ACTR3C: variants seen among roughly 807,000 people sequenced by gnomAD.
ACTR3C encodes the protein actin-related protein 3C.
Under a neutral mutation model 26.3 loss-of-function variants are expected in ACTR3C, and 18 were observed. The observed-to-expected ratio is 0.68, with a 90% CI of 0.47 to 1.01. The LOEUF is 1.01. Among genes scored for constraint, ACTR3C ranks in the 50% least tolerant of loss-of-function variants. The pLI is 0.00. For missense variants in ACTR3C, 184 were observed against 250.7 expected, an observed-to-expected ratio of 0.73 and a Z score of 1.80; for synonymous variants, 55 against 94.5, an observed-to-expected ratio of 0.58 and a Z score of 2.42.
At chr7:150,037,094 G>T in the ACTR3C span, among the ~76,000 whole-genome samples, 4 of 109,094 alleles carry the variant, frequency 3.7e-5, 1 homozygote, top group Non-Finnish European at 6.4e-5. Flanking sequence ...TGCGATGGGG[G>T]TCCTAAGAGC....
At chr7:150,082,216 A>G in the ACTR3C span, among the ~76,000 whole-genome samples, 8 of 152,318 alleles carry the variant, frequency 5.3e-5, no homozygotes, top group Middle Eastern at 6.8e-3. Flanking sequence ...CATACAGGGG[A>G]AAAATAAAGG....
chr7:150,276,854 T>A (rs1351541378), intron 6 of ACTR3C, among the ~76,000 whole-genome samples: 2 of 152,192 alleles, frequency 1.3e-5, no homozygotes, highest in Non-Finnish European at 2.9e-5. Flanking sequence ...TTTCTTTCTC[T>A]TCTCAGGCGA....
At chr7:149,972,020 G>A in the ACTR3C span, among the ~76,000 whole-genome samples, 8 of 152,210 alleles carry the variant, frequency 5.3e-5, no homozygotes, top group South Asian at 1.0e-3. Context: ...TTCCAGGTTC[G>A]GAACACAATC....
At chr7:150,035,214 CCA>C in the ACTR3C span, among the ~76,000 whole-genome samples, 5 of 122,868 alleles carry the variant, frequency 4.1e-5, no homozygotes, top group Non-Finnish European at 7.0e-5. Flanking sequence ...GGGGTGCCTC[CCA>C]CCTCTGCCAT....
chr7:149,936,980 A>T, the ACTR3C span, among the ~76,000 whole-genome samples: 1 of 151,798 alleles, frequency 6.6e-6, no homozygotes, highest in Non-Finnish European at 1.5e-5. Flanking sequence ...GGTAGAGACG[A>T]GATCTCCCTA....
chr7:150,037,931 C>A, the ACTR3C span, among the ~76,000 whole-genome samples: 1 of 137,974 alleles, frequency 7.2e-6, no homozygotes, highest in Admixed American at 7.0e-5. Context: ...AGGGGTGCCT[C>A]CCCCCCTGCG....
At chr7:150,120,576 A>G in the ACTR3C span, among the ~76,000 whole-genome samples, 2 of 152,166 alleles carry the variant, frequency 1.3e-5, no homozygotes, top group Admixed American at 1.3e-4. Context: ...CAAGTTCTGA[A>G]GTTGATACAG....
the ACTR3C span, among the ~76,000 whole-genome samples, chr7:150,050,615 G>A: frequency 1.3e-5 from 2 of 152,198 alleles, no homozygotes; most frequent in Non-Finnish European, 2.9e-5. Context: ...CAGGGGAGGA[G>A]GGCAGGAAAG....
At chr7:150,150,832 A>C in the ACTR3C span, among the ~76,000 whole-genome samples, 2 of 135,836 alleles carry the variant, frequency 1.5e-5, no homozygotes, top group Admixed American at 7.5e-5. Flanking sequence ...CCAATTTTTC[A>C]CTGTTACAAA....
chr7:150,039,873 C>T, the ACTR3C span, among the ~76,000 whole-genome samples: 63 of 125,884 alleles, frequency 5.0e-4, 1 homozygote, highest in East Asian at 4.8e-3. Context: ...GGAAGAGGGG[C>T]TCGCTCTCAG....
chr7:149,890,990 T>G, the ACTR3C span: 3 of 441,530 alleles, frequency 6.8e-6, no homozygotes, highest in Non-Finnish European at 1.2e-5. Context: ...GCTGCCTCAC[T>G]TGGGCTTCCT....
At chr7:150,314,201 C>T (rs1385115603) in intron 1 of ACTR3C, among the ~76,000 whole-genome samples, 1 of 152,130 alleles carries the variant, frequency 6.6e-6, no homozygotes, top group Non-Finnish European at 1.5e-5. Flanking sequence ...TGGCAGGAGC[C>T]GAAGGGATCT....
the ACTR3C span, among the ~76,000 whole-genome samples, chr7:150,230,456 C>A: frequency 3.9e-5 from 6 of 152,220 alleles, no homozygotes; most frequent in African/African-American, 1.4e-4. Flanking sequence ...CAATCCATGG[C>A]CTGTTAGTAA....
chr7:150,216,597 C>G, the ACTR3C span, among the ~76,000 whole-genome samples: 2 of 152,128 alleles, frequency 1.3e-5, no homozygotes, highest in Non-Finnish European at 2.9e-5. Flanking sequence ...ATTTGTCTCA[C>G]TGCAAAGCCC....
At chr7:150,051,154 G>A in the ACTR3C span, among the ~76,000 whole-genome samples, 1 of 150,046 alleles carries the variant, frequency 6.7e-6, no homozygotes, top group Non-Finnish European at 1.5e-5. Flanking sequence ...GTGCATGCAC[G>A]TTTATGCACC....
chr7:150,233,417 A>G, the ACTR3C span, among the ~76,000 whole-genome samples: 2 of 149,162 alleles, frequency 1.3e-5, no homozygotes, highest in Non-Finnish European at 3.0e-5. Flanking sequence ...ACTGTTCTCT[A>G]CTTCTTGACT....
chr7:150,133,158 T>C, the ACTR3C span, among the ~76,000 whole-genome samples: 1 of 152,134 alleles, frequency 6.6e-6, no homozygotes, highest in Non-Finnish European at 1.5e-5. Context: ...GCAGCTCTCA[T>C]GCTCCCAACA....
At chr7:149,993,570 A>T in the ACTR3C span, among the ~76,000 whole-genome samples, 1 of 151,998 alleles carries the variant, frequency 6.6e-6, no homozygotes, top group African/African-American at 2.4e-5. Context: ...TAGGAACAGG[A>T]CAGAAGGAAG....
At chr7:150,195,583 A>G in the ACTR3C span, among the ~76,000 whole-genome samples, 1 of 151,742 alleles carries the variant, frequency 6.6e-6, no homozygotes, top group Non-Finnish European at 1.5e-5. Flanking sequence ...TTTCAAAAAG[A>G]TCACTTCAGG....
Sources: gnomAD v4.1 joint callset for allele counts (sites outside exome capture counted in the v4.1 genomes callset) on GRCh38, gnomAD v4.1.1 for gene constraint, MANE v1.5 for transcripts, NCBI Gene and HGNC (gene_info 2026-07-23, HGNC 2026-07-21) for gene names.